TLL1: variants seen among roughly 807,000 people sequenced by gnomAD.
The protein encoded by TLL1 is tolloid-like protein 1.
Under a neutral mutation model 128.2 loss-of-function variants are expected in TLL1, and 49 were observed. That is an observed-to-expected ratio of 0.38 (90% CI 0.30 to 0.48). The LOEUF is 0.48. Ranked by LOEUF, TLL1 falls within the 20% of genes least tolerant of loss-of-function variation. The pLI is 0.96. For synonymous variants in TLL1, 454 were observed against 418.8 expected (o/e 1.08, Z -1.03); for missense variants, 1,123 against 1,242.0 (o/e 0.90, Z 1.44).
chr4:165,957,701 C>CTT (rs568454587), intron 1 of TLL1, among the ~76,000 whole-genome samples: 3 of 135,842 alleles, frequency 2.2e-5, no homozygotes, highest in Non-Finnish European at 3.2e-5. Flanking sequence ...TTGGATCATT[C>CTT]TTTTTTTTTT....
chr4:166,049,574 A>T (rs1458641409), intron 12 of TLL1, among the ~76,000 whole-genome samples: 1 of 152,004 alleles, frequency 6.6e-6, no homozygotes, highest in Non-Finnish European at 1.5e-5. Context: ...ATTCACATGA[A>T]AATAAACCTA....
chr4:166,065,669 A>C lies in TLL1; in HGVS notation c.2008-14A>C. On this transcript the variant is annotated splice_polypyrimidine_tract_variant and intron_variant, in intron 15 of 20. Coordinates refer to ENST00000061240, the MANE Select transcript of TLL1 (RefSeq NM_012464.5). The stretch of plus-strand genomic sequence containing the variant: ...CTCACAAATCTGGCAACTGATAACC[A>C]CATTTTTTTCTAGGTTTGCAAATAT... 1 of 1,612,602 alleles carries C rather than the reference A, an allele frequency of 6.2e-7. No homozygotes were observed. The highest frequency in any genetic ancestry group is 8.5e-7 in the Non-Finnish European group (1 of 1,179,082).
intron 9 of TLL1, among the ~76,000 whole-genome samples, chr4:166,029,340 T>C (rs768173217): frequency 7.2e-5 from 11 of 152,018 alleles, no homozygotes; most frequent in Non-Finnish European, 1.0e-4. Context: ...TTAAAACATA[T>C]AAGATTATTC....
intron 6 of TLL1, among the ~76,000 whole-genome samples, chr4:166,007,001 C>A (rs1393629085): frequency 2.0e-5 from 3 of 151,612 alleles, no homozygotes; most frequent in Non-Finnish European, 4.4e-5. Context: ...CATAATAGTT[C>A]CATTTTTAGC....
At chr4:165,916,044 A>T (rs1732761951) in intron 1 of TLL1, among the ~76,000 whole-genome samples, 1 of 152,180 alleles carries the variant, frequency 6.6e-6, no homozygotes, top group Non-Finnish European at 1.5e-5. Flanking sequence ...GCCTTGTTTC[A>T]TGTTTGGTGA....
At chr4:165,894,666 GCAGA>G (rs1731584561) in intron 1 of TLL1, among the ~76,000 whole-genome samples, 1 of 152,130 alleles carries the variant, frequency 6.6e-6, no homozygotes, top group Admixed American at 6.6e-5. Flanking sequence ...AGTTGTGAGA[GCAGA>G]CATTCGTATT....
chr4:166,097,560 A>G (rs1414010890), intron 19 of TLL1, among the ~76,000 whole-genome samples: 2 of 152,122 alleles, frequency 1.3e-5, no homozygotes, highest in African/African-American at 4.8e-5. Context: ...GTTTATGACA[A>G]TGCCCATAGA....
chr4:165,994,607 A>C, intron 4 of TLL1, 74 bp downstream of exon 4: 1 of 1,545,356 alleles, frequency 6.5e-7, no homozygotes, highest in Non-Finnish European at 8.9e-7. Flanking sequence ...CTATTTTTAT[A>C]GAATATTAAC....
chr4:165,971,883 C>T (rs1362044937), intron 1 of TLL1, among the ~76,000 whole-genome samples: 1 of 152,144 alleles, frequency 6.6e-6, no homozygotes, highest in Non-Finnish European at 1.5e-5. Flanking sequence ...AATGTTAGCT[C>T]TCTGGGTTCC....
chr4:166,039,687 T>C lies in TLL1; in HGVS notation c.1261+246T>C, dbSNP rs114654869. Among the ~76,000 whole-genome samples, 1,002 of 152,304 alleles carry C rather than the reference T, an allele frequency of 6.6e-3. 7 individuals carry two copies. Among genetic ancestry groups the C allele is most frequent in the African/African-American group, 0.023 (946 of 41,568 alleles). ...ACATACTAGGATTTGAATATAATGA[T>C]TGAGAATAGCTTTCTCATATATTGT... On this transcript the variant is annotated intron_variant, in intron 10 of 20. Transcript: ENST00000061240.
chr4:166,066,571 A>T (rs1740584000), intron 16 of TLL1, among the ~76,000 whole-genome samples: 1 of 151,856 alleles, frequency 6.6e-6, no homozygotes, highest in South Asian at 2.1e-4. Flanking sequence ...AGCAATTTAG[A>T]GCAACTGAAT....
intron 12 of TLL1, 36 bp from the exon 13 acceptor site, chr4:166,055,040 T>C: frequency 6.4e-7 from 1 of 1,562,982 alleles, no homozygotes; most frequent in Non-Finnish European, 8.8e-7. Flanking sequence ...GTTTTATCTA[T>C]AAACATATAT....
At chr4:165,934,173 CTTTTTTTTT>C (rs779010027) in intron 1 of TLL1, among the ~76,000 whole-genome samples, 3 of 108,302 alleles carry the variant, frequency 2.8e-5, no homozygotes, top group African/African-American at 3.7e-5. Flanking sequence ...TAATTTTTTG[CTTTTTTTTT>C]TTTTTTTTTT....
chr4:165,888,255 A>AT (rs1475329822), intron 1 of TLL1, among the ~76,000 whole-genome samples: 1 of 152,096 alleles, frequency 6.6e-6, no homozygotes, highest in Non-Finnish European at 1.5e-5. Flanking sequence ...TCTATTTGGT[A>AT]TTTTTTTAAA....
chr4:165,960,948 A>G (rs1735069358), intron 1 of TLL1, among the ~76,000 whole-genome samples: 1 of 152,118 alleles, frequency 6.6e-6, no homozygotes, highest in African/African-American at 2.4e-5. Context: ...TCCTACTTGA[A>G]CATGGTACTG....
chr4:166,039,543 G>T (rs3756019), intron 10 of TLL1, 102 bp downstream of exon 10: 1 of 796,032 alleles, frequency 1.3e-6, no homozygotes, highest in Non-Finnish European at 2.1e-6. Context: ...AAAAATGTGT[G>T]TGACTAACAT....
In TLL1 at chr4:166,039,398, T is replaced by C. The variant is rs151145669; in HGVS notation, c.1218T>C (p.Tyr406=). The C allele has an allele frequency of 3.7e-6, 6 of 1,613,366 alleles. No individual in the cohort carries two copies. In the African/African-American group the frequency reaches 8.0e-5, roughly 22 times the overall value. Residue 406 remains tyrosine (Y), a synonymous_variant, in exon 10 of 21, where the codon TAT becomes TAC. Coordinates refer to ENST00000061240, the MANE Select transcript of TLL1 (RefSeq NM_012464.5). ...LYKSSLCWYD[Y]IEVRDGYWRK... Reference sequence around the variant, plus strand: ...AGAGTAGTTTGTGCTGGTATGACTATATTGAAGTAAGAGACGGGTACTGGA... The same window carrying C: ...AGAGTAGTTTGTGCTGGTATGACTACATTGAAGTAAGAGACGGGTACTGGA...
chr4:165,942,990 A>T (rs2110925907), intron 1 of TLL1, among the ~76,000 whole-genome samples: 1 of 152,250 alleles, frequency 6.6e-6, no homozygotes, highest in East Asian at 1.9e-4. Flanking sequence ...AAAGAGCAGA[A>T]AATAATTCTT....
At chr4:166,021,654 A>T (rs569082012) in intron 8 of TLL1, among the ~76,000 whole-genome samples, 38 of 151,890 alleles carry the variant, frequency 2.5e-4, no homozygotes, top group African/African-American at 8.0e-4. Flanking sequence ...AATGGTCTTG[A>T]TCTCTTGACC....
Sources: allele counts gnomAD v4.1 joint callset (sites outside exome capture counted in the v4.1 genomes callset), GRCh38; gene constraint gnomAD v4.1.1; transcripts MANE v1.5; gene names NCBI Gene and HGNC (gene_info 2026-07-23, HGNC 2026-07-21).